PDE4B: variants seen among roughly 807,000 people sequenced by gnomAD.
PDE4B encodes 3',5'-cyclic-AMP phosphodiesterase 4B.
In PDE4B, 20 loss-of-function variants were observed where a neutral mutation model predicts 82.2. The observed-to-expected ratio is 0.24, with a 90% CI of 0.17 to 0.35. PDE4B has a LOEUF of 0.35. Ranked by LOEUF, PDE4B falls within the 10% of genes least tolerant of loss-of-function variation. The pLI, the probability that PDE4B is intolerant of heterozygous loss-of-function variation, is 1.00. For synonymous variants in PDE4B, 320 were observed against 318.9 expected (o/e 1.00, Z -0.04); for missense variants, 655 against 907.2 (o/e 0.72, Z 3.57).
intron 3 of PDE4B, among the ~76,000 whole-genome samples, chr1:66,021,991 G>T (rs1653150846): frequency 6.6e-6 from 1 of 152,092 alleles, no homozygotes; most frequent in African/African-American, 2.4e-5. Context: ...ATTTTGTTGA[G>T]CAGTGGTTAG....
intron 3 of PDE4B, among the ~76,000 whole-genome samples, chr1:66,074,094 A>G (rs1159549866): frequency 6.6e-6 from 1 of 152,056 alleles, no homozygotes; most frequent in African/African-American, 2.4e-5. Context: ...AGGCAATCTT[A>G]CCCATTTCAG....
chr1:65,889,670 T>A (rs963932842), intron 1 of PDE4B, among the ~76,000 whole-genome samples: 3 of 152,146 alleles, frequency 2.0e-5, no homozygotes, highest in Non-Finnish European at 4.4e-5. Flanking sequence ...TGAGAGTTGG[T>A]CATGGCATAA....
At chr1:66,127,274 A>G (rs924090848) in intron 3 of PDE4B, among the ~76,000 whole-genome samples, 1 of 152,116 alleles carries the variant, frequency 6.6e-6, no homozygotes, top group African/African-American at 2.4e-5. Flanking sequence ...TGAAGGATGA[A>G]TGGTACACAG....
chr1:65,824,051 C>T (rs533899248), intron 1 of PDE4B, among the ~76,000 whole-genome samples: 1 of 152,262 alleles, frequency 6.6e-6, no homozygotes, highest in East Asian at 1.9e-4. Flanking sequence ...TTCATTCTCA[C>T]CCCCCATCTC....
chr1:66,216,721 C>A (rs531558237), intron 3 of PDE4B, among the ~76,000 whole-genome samples: 14 of 152,194 alleles, frequency 9.2e-5, no homozygotes, highest in African/African-American at 3.4e-4. Flanking sequence ...TCCAAACTAG[C>A]CAGTGCATGG....
intron 1 of PDE4B, among the ~76,000 whole-genome samples, chr1:65,821,640 A>G (rs147932105): frequency 6.6e-6 from 1 of 152,338 alleles, no homozygotes; most frequent in East Asian, 1.9e-4. Context: ...CTCATTTTAG[A>G]TAATGGTACT....
At chr1:66,083,074 A>T (rs1004838357) in intron 3 of PDE4B, among the ~76,000 whole-genome samples, 3 of 152,104 alleles carry the variant, frequency 2.0e-5, no homozygotes, top group African/African-American at 7.2e-5. Context: ...CTCATCCTGC[A>T]GTTTGTTGTT....
Position 66,286,279 on chromosome 1 carries a change from G to A in PDE4B, c.634+20192G>A, listed in dbSNP as rs17128738. ...TGTATGTTTTGTTTTACATTTTCTCGTCATGAGCCCCATCATTAATACTAA... is the reference window on the plus strand; with the variant it reads ...TGTATGTTTTGTTTTACATTTTCTCATCATGAGCCCCATCATTAATACTAA... On this transcript the variant is annotated intron_variant, in intron 7 of 16. Transcript: ENST00000341517. Among the ~76,000 whole-genome samples, 1,119 of 152,140 alleles carry A rather than the reference G, an allele frequency of 7.4e-3. 40 individuals are homozygous for A. The East Asian group carries it at 0.11, about 15-fold the overall frequency.
chr1:66,324,936 G>T (rs1367641221), intron 7 of PDE4B, among the ~76,000 whole-genome samples: 1 of 151,968 alleles, frequency 6.6e-6, no homozygotes, highest in African/African-American at 2.4e-5. Flanking sequence ...TATATATTTG[G>T]ACATAATAAC....
intron 3 of PDE4B, among the ~76,000 whole-genome samples, chr1:66,068,604 A>C (rs1043910294): frequency 6.6e-6 from 1 of 151,996 alleles, no homozygotes; most frequent in Non-Finnish European, 1.5e-5. Context: ...ATGCTTTGCT[A>C]TATTAACTAA....
At chr1:65,971,592 C>T (rs1650140277) in intron 3 of PDE4B, among the ~76,000 whole-genome samples, 1 of 152,170 alleles carries the variant, frequency 6.6e-6, no homozygotes, top group African/African-American at 2.4e-5. Flanking sequence ...TTTGTAGCCA[C>T]CAGCATAGTT....
chr1:65,945,077 T>A (rs1397389138), intron 3 of PDE4B, among the ~76,000 whole-genome samples: 1 of 152,034 alleles, frequency 6.6e-6, no homozygotes, highest in Non-Finnish European at 1.5e-5. Flanking sequence ...CTCCTACTTC[T>A]GTGCCTTGAC....
intron 3 of PDE4B, among the ~76,000 whole-genome samples, chr1:66,181,395 T>C (rs1647060094): frequency 6.6e-6 from 1 of 152,182 alleles, no homozygotes; most frequent in Non-Finnish European, 1.5e-5. Context: ...TCGCTCCTCA[T>C]TGAAAAAGCA....
intron 3 of PDE4B, among the ~76,000 whole-genome samples, chr1:66,184,982 C>A (rs1647152896): frequency 6.6e-6 from 1 of 152,078 alleles, no homozygotes. Context: ...AATGCTATCC[C>A]TCCCCCCTCC....
At chr1:66,114,856 G>A (rs1367421713) in intron 3 of PDE4B, among the ~76,000 whole-genome samples, 2 of 151,900 alleles carry the variant, frequency 1.3e-5, no homozygotes, top group East Asian at 1.9e-4. Flanking sequence ...GGCCGGTCTC[G>A]AACTCCTGAC....
intron 1 of PDE4B, among the ~76,000 whole-genome samples, chr1:65,888,904 C>T (rs1646821806): frequency 6.6e-6 from 1 of 151,998 alleles, no homozygotes; most frequent in Non-Finnish European, 1.5e-5. Context: ...CAAAGAAGGG[C>T]AATTTGACAT....
At chr1:65,945,887 C>G (rs918382844) in intron 3 of PDE4B, among the ~76,000 whole-genome samples, 1 of 151,974 alleles carries the variant, frequency 6.6e-6, no homozygotes, top group East Asian at 1.9e-4. Context: ...TTACCCAGAC[C>G]TTTTCATACC....
At chr1:66,344,304 T>G (rs1234481383) in intron 8 of PDE4B, among the ~76,000 whole-genome samples, 1 of 152,214 alleles carries the variant, frequency 6.6e-6, no homozygotes, top group Non-Finnish European at 1.5e-5. Context: ...TGTGCAAAGT[T>G]TATTTGCATC....
intron 1 of PDE4B, among the ~76,000 whole-genome samples, chr1:65,813,349 T>C (rs1645841265): frequency 6.6e-6 from 1 of 152,170 alleles, no homozygotes; most frequent in Non-Finnish European, 1.5e-5. Context: ...TGAATTGCCA[T>C]TCACTAAAGA....
Sources: allele counts gnomAD v4.1 joint callset (sites outside exome capture counted in the v4.1 genomes callset), GRCh38; gene constraint gnomAD v4.1.1; transcripts MANE v1.5; gene names NCBI Gene and HGNC (gene_info 2026-07-23, HGNC 2026-07-21).